OR7A5: variants seen among roughly 807,000 people sequenced by gnomAD.
OR7A5 encodes the protein olfactory receptor family 7 subfamily A member 5.
For missense variants in OR7A5, 319 were observed against 377.9 expected, an observed-to-expected ratio of 0.84 and a Z score of 1.29; for synonymous variants, 140 against 146.7, an observed-to-expected ratio of 0.95 and a Z score of 0.33.
chr19:14,827,609 C>A lies in OR7A5; in HGVS notation c.633G>T (p.Leu211=), dbSNP rs62122652. 6.2e-7 allele frequency: 1 copy of A among 1,614,122 alleles called. No individual in the cohort carries two copies. The highest frequency in any genetic ancestry group is 8.5e-7 in the Non-Finnish European group (1 of 1,180,018). The change falls in exon 2 of 2, where the codon CTG becomes CTT. Residue 211 remains leucine (L), a synonymous_variant. Coordinates refer to ENST00000322301, the MANE Select transcript of OR7A5 (RefSeq NM_017506.2). ...TAGAGTAAGAGTAAAGGATCCCAGT[C>A]AGGGGACCTCCACCCAGCAGCGCAA... ...FTVALLGGGP[L]TGILYSYSKI...
At chr19:14,830,506 G>A (rs10410354) in intron 1 of OR7A5, among the ~76,000 whole-genome samples, 1 of 151,478 alleles carries the variant, frequency 6.6e-6, no homozygotes, top group South Asian at 2.1e-4. Context: ...AAATAAAAGC[G>A]ACCCTGGTTA....
At position 14,831,359 on chromosome 19, in the gene OR7A5, G is replaced by T. The variant is rs920652113; in HGVS notation, c.-13-3105C>A. Among the ~76,000 whole-genome samples, 5 of 152,154 alleles carry T rather than the reference G, an allele frequency of 3.3e-5. No individual in the cohort carries two copies. In the East Asian group the frequency reaches 9.6e-4, roughly 29 times the overall value. ...CTATTCCATATTTACTTGATCAATT[G>T]GTTTTTATATGAATTGAGAGTGGAT... is the stretch of plus-strand genomic sequence containing the variant. On this transcript the variant is annotated intron_variant, in intron 1 of 1. Transcript: ENST00000322301.
chr19:14,829,078 A>G (rs1180371034), intron 1 of OR7A5, among the ~76,000 whole-genome samples: 4 of 152,236 alleles, frequency 2.6e-5, no homozygotes, highest in African/African-American at 9.6e-5. Flanking sequence ...ATTATTCAAG[A>G]CCTGCAAACA....
chr19:14,834,456 A>C (rs1371287526), intron 1 of OR7A5, among the ~76,000 whole-genome samples: 1 of 152,212 alleles, frequency 6.6e-6, no homozygotes, highest in Admixed American at 6.5e-5. Flanking sequence ...GGCCTAAACA[A>C]CACACAAATA....
chr19:14,828,246 T>C lies in OR7A5; in HGVS notation c.-5A>G, dbSNP rs770193111. 2 of 1,605,782 alleles carry C rather than the reference T, an allele frequency of 1.2e-6. No homozygotes were observed. Among genetic ancestry groups the C allele is most frequent in the Admixed American group, 3.4e-5 (2 of 59,674 alleles). On this transcript the variant is annotated 5_prime_UTR_variant, in exon 2 of 2. Coordinates refer to ENST00000322301, the MANE Select transcript of OR7A5 (RefSeq NM_017506.2). ...TGTATCATTTCCTGGTTCCATTTGA[T>C]TGAAGTGACTATCAGAGAGAGAGAG...
At chr19:14,829,399 C>G (rs541599570) in intron 1 of OR7A5, among the ~76,000 whole-genome samples, 2 of 152,282 alleles carry the variant, frequency 1.3e-5, no homozygotes, top group South Asian at 2.1e-4. Context: ...GACGGGGTTT[C>G]TCCATGTTGG....
chr19:14,829,425 A>G (rs2044809597), intron 1 of OR7A5, among the ~76,000 whole-genome samples: 3 of 151,506 alleles, frequency 2.0e-5, no homozygotes, highest in Non-Finnish European at 4.4e-5. Flanking sequence ...CTGGTCTTGA[A>G]CTCCCAACCT....
chr19:14,826,697 A>G lies in OR7A5; in HGVS notation c.*585T>C, dbSNP rs1361889311. 6.6e-6 allele frequency: 1 copy of G among 152,214 alleles called. No homozygotes were observed. The highest frequency in any genetic ancestry group is 6.5e-5 in the Admixed American group (1 of 15,272). 9.4% of individuals were successfully genotyped at this position (152,214 alleles called of 1,614,324 possible). ...GTCTTTCAGTGGGCATTGCACTCGGAACATATTTTTGATAAACAATTTTTG... is the reference window on the plus strand; with the variant it reads ...GTCTTTCAGTGGGCATTGCACTCGGGACATATTTTTGATAAACAATTTTTG... On this transcript the variant is annotated 3_prime_UTR_variant, in exon 2 of 2. Transcript: ENST00000322301.
rs17276460 is a variant in OR7A5, at chr19:14,835,136, G to T, written c.-76C>A. On this transcript the variant is annotated 5_prime_UTR_variant, in exon 1 of 2. Coordinates refer to ENST00000322301, the MANE Select transcript of OR7A5 (RefSeq NM_017506.2). ...AGTGCAAATTCCTCACTGGATGATT[G>T]ATGGTGGAGACTGAAGCTCTGCTCA... 0.036 allele frequency: 5,517 copies of T among 152,148 alleles called. 137 individuals are homozygous for T. Among genetic ancestry groups the T allele is most frequent in the Middle Eastern group, 0.061 (18 of 294 alleles). The allele number at this position is 152,148 out of a possible 1,614,324, so 9.4% of individuals were successfully genotyped here.
chr19:14,828,095 T>G lies in OR7A5; in HGVS notation c.147A>C (p.Thr49=). ...GGGTGTGGAGGTGGGAGTCTGAGAT[T>G]GTGGCCAGGATGATGAGCAGGTTCC... ...VLGNLLIILA[T]ISDSHLHTPM... Residue 49 remains threonine, a synonymous_variant, in exon 2 of 2, where the codon ACA becomes ACC. Coordinates refer to ENST00000322301, the MANE Select transcript of OR7A5 (RefSeq NM_017506.2). 6.2e-7 allele frequency: 1 copy of G among 1,614,050 alleles called. No homozygotes were observed. Among genetic ancestry groups the G allele is most frequent in the Non-Finnish European group, 8.5e-7 (1 of 1,179,996 alleles).
intron 1 of OR7A5, among the ~76,000 whole-genome samples, chr19:14,832,896 A>C (rs1173995887): frequency 6.6e-6 from 1 of 152,246 alleles, no homozygotes; most frequent in Non-Finnish European, 1.5e-5. Context: ...TAATTTAATC[A>C]TATCAACATA....
chr19:14,827,158 G>T lies in OR7A5; in HGVS notation c.*124C>A. 2.0e-6 allele frequency: 2 copies of T among 1,017,064 alleles called. No individual in the cohort carries two copies. Among genetic ancestry groups the T allele is most frequent in the Non-Finnish European group, 2.7e-6 (2 of 744,516 alleles). 63.0% of individuals were successfully genotyped at this position (1,017,064 alleles called of 1,614,324 possible). A position where few individuals can be genotyped will look rare whatever the true frequency, so the allele number is the denominator to read the frequency against. On this transcript the variant is annotated 3_prime_UTR_variant, in exon 2 of 2. Coordinates refer to ENST00000322301, the MANE Select transcript of OR7A5 (RefSeq NM_017506.2). ...GAGTTGCTTAAATTCTACAAGACCA[G>T]TTGAAATCACAACAAATTGAAACTC...
chr19:14,833,255 G>C (rs1042598844), intron 1 of OR7A5, among the ~76,000 whole-genome samples: 1 of 152,234 alleles, frequency 6.6e-6, no homozygotes, highest in Non-Finnish European at 1.5e-5. Flanking sequence ...CAGGTGGGTG[G>C]ATCACTTGAG....
chr19:14,827,853 A>AG lies in OR7A5; in HGVS notation c.388dup (p.Leu130ProfsTer51). ...AGGGTTCATAATGACCATGTAGTGC[A>AG]GGGGGTGACAGATGGCCACAAACCG... is the stretch of plus-strand genomic sequence containing the variant. On this transcript the variant is annotated frameshift_variant, in exon 2 of 2. Transcript: ENST00000322301. LOFTEE classifies it low-confidence loss of function (END_TRUNC). 1.2e-6 allele frequency: 2 copies of AG among 1,614,186 alleles called. No homozygotes were observed. Among genetic ancestry groups the AG allele is most frequent in the Non-Finnish European group, 1.7e-6 (2 of 1,180,026 alleles).
rs2044781378 is a variant in OR7A5 at position 14,827,507 on chromosome 19, G to A, written c.735C>T (p.Leu245=). Residue 245 remains leucine, a synonymous_variant, in exon 2 of 2, where the codon CTC becomes CTT. Transcript: ENST00000322301. ...YKAFSTCASH[L]SVVSLFYGAI... ...CACCATAAAATAAGGAGACAACTGA[G>A]AGGTGAGATGCACAGGTGGAAAATG... The A allele has an allele frequency of 6.2e-7, 1 of 1,614,152 alleles. No individual in the cohort carries two copies. Among genetic ancestry groups the A allele is most frequent in the Non-Finnish European group, 8.5e-7 (1 of 1,180,026 alleles).
chr19:14,833,593 T>C (rs1236586037), intron 1 of OR7A5, among the ~76,000 whole-genome samples: 1 of 152,252 alleles, frequency 6.6e-6, no homozygotes, highest in Non-Finnish European at 1.5e-5. Flanking sequence ...ATGATAGGTA[T>C]ATATTTAACT....
chr19:14,833,405 G>T (rs1374964354), intron 1 of OR7A5, among the ~76,000 whole-genome samples: 1 of 152,232 alleles, frequency 6.6e-6, no homozygotes, highest in African/African-American at 2.4e-5. Flanking sequence ...CTTGGATCCA[G>T]GAAGCGAAGG....
At chr19:14,833,198 G>T (rs1237252016) in intron 1 of OR7A5, among the ~76,000 whole-genome samples, 3 of 152,168 alleles carry the variant, frequency 2.0e-5, no homozygotes, top group Non-Finnish European at 4.4e-5. Context: ...TTCAATATCG[G>T]CCAGGTACGG....
In OR7A5 at chr19:14,827,788, T is replaced by G. The variant is rs1040992799; in HGVS notation, c.454A>C (p.Ser152Arg). 5 of 1,614,038 alleles carry G rather than the reference T, an allele frequency of 3.1e-6. No homozygotes were observed. The highest frequency in any genetic ancestry group is 3.4e-6 in the Non-Finnish European group (4 of 1,180,032). ...GLLVLASWTM[S>R]ALYSLLQILM... ...ATTTGTAGCAAGGAATACAGAGCAC[T>G]CATGGTCCAGGATGCTAGAACCAGC... Residue 152 changes from serine (S) to arginine (R), a missense_variant, in exon 2 of 2, where the codon AGT becomes CGT. Physicochemically the swap from Ser to Arg is moderately radical, Grantham distance 110. Coordinates refer to ENST00000322301, the MANE Select transcript of OR7A5 (RefSeq NM_017506.2).
Sources: allele counts gnomAD v4.1 joint callset (sites outside exome capture counted in the v4.1 genomes callset), GRCh38; gene constraint gnomAD v4.1.1; transcripts MANE v1.5; gene names NCBI Gene and HGNC (gene_info 2026-07-23, HGNC 2026-07-21).